FBXL17: variants seen among roughly 807,000 people sequenced by gnomAD.
FBXL17 encodes the protein F-box/LRR-repeat protein 17.
In FBXL17, 22 loss-of-function variants were observed where a neutral mutation model predicts 66.2. The observed-to-expected ratio is 0.33, with a 90% CI of 0.24 to 0.47. The LOEUF (loss-of-function observed/expected upper bound fraction) is 0.47, where lower values mean the gene tolerates loss of function less well. FBXL17 is among the 20% of genes least tolerant of loss of function. The pLI is 1.00. For missense variants in FBXL17, 878 were observed against 948.2 expected (o/e 0.93, Z 0.97); for synonymous variants, 474 against 400.5 (o/e 1.18, Z -2.19).
intron 7 of FBXL17, among the ~76,000 whole-genome samples, chr5:108,014,200 G>A (rs1754293726): frequency 6.6e-6 from 1 of 152,010 alleles, no homozygotes; most frequent in African/African-American, 2.4e-5. Flanking sequence ...AAAATAGCTA[G>A]TTAAAAATTG....
intron 4 of FBXL17, among the ~76,000 whole-genome samples, chr5:108,230,080 C>T (rs949474607): frequency 1.3e-5 from 2 of 152,154 alleles, no homozygotes; most frequent in East Asian, 1.9e-4. Flanking sequence ...TAGATGTTGG[C>T]GTAGATGTGG....
chr5:108,101,819 T>C (rs1749611866), intron 6 of FBXL17, among the ~76,000 whole-genome samples: 1 of 152,216 alleles, frequency 6.6e-6, no homozygotes, highest in African/African-American at 2.4e-5. Flanking sequence ...GTTTCAAAGC[T>C]ACTAAAAATA....
chr5:108,254,229 C>A (rs967511990), intron 4 of FBXL17, among the ~76,000 whole-genome samples: 7 of 152,116 alleles, frequency 4.6e-5, no homozygotes, highest in Non-Finnish European at 5.9e-5. Context: ...GTAAACTGTG[C>A]TTCTAGAAAA....
At chr5:107,953,928 T>A (rs1447478445) in intron 7 of FBXL17, among the ~76,000 whole-genome samples, 2 of 152,238 alleles carry the variant, frequency 1.3e-5, no homozygotes, top group Non-Finnish European at 2.9e-5. Flanking sequence ...ATTATTTTGA[T>A]ACTTAATCAT....
chr5:108,075,131 T>C (rs1748492862), intron 6 of FBXL17, among the ~76,000 whole-genome samples: 1 of 152,152 alleles, frequency 6.6e-6, no homozygotes, highest in Admixed American at 6.6e-5. Flanking sequence ...TATTAGGCCC[T>C]AAAAACTGCA....
At chr5:107,961,073 A>C (rs1456482602) in intron 7 of FBXL17, among the ~76,000 whole-genome samples, 1 of 152,154 alleles carries the variant, frequency 6.6e-6, no homozygotes, top group African/African-American at 2.4e-5. Flanking sequence ...GGCTGGCTGG[A>C]AAGAAGTGGG....
chr5:107,939,362 GAA>G (rs142871184), intron 7 of FBXL17, among the ~76,000 whole-genome samples: 1,932 of 152,176 alleles, frequency 0.013, 38 homozygotes, highest in African/African-American at 0.044. Flanking sequence ...CGCAACATGA[GAA>G]AGAGTAAATA....
At chr5:107,968,763 A>G (rs1752249797) in intron 7 of FBXL17, among the ~76,000 whole-genome samples, 1 of 152,176 alleles carries the variant, frequency 6.6e-6, no homozygotes, top group East Asian at 1.9e-4. Flanking sequence ...TCTTTATAGG[A>G]AAGCCTTATG....
intron 6 of FBXL17, among the ~76,000 whole-genome samples, chr5:108,156,517 TGA>T (rs1371325483): frequency 6.6e-6 from 1 of 151,976 alleles, no homozygotes; most frequent in Non-Finnish European, 1.5e-5. Context: ...TTTACAACGT[TGA>T]GAGTTAAAAT....
chr5:107,897,789 A>T (rs902045057), intron 7 of FBXL17, among the ~76,000 whole-genome samples: 5 of 142,194 alleles, frequency 3.5e-5, no homozygotes, highest in Non-Finnish European at 6.1e-5. Flanking sequence ...TCTTATTATT[A>T]AAAAAAAAAA....
intron 6 of FBXL17, among the ~76,000 whole-genome samples, chr5:108,177,383 T>C (rs758602379): frequency 6.6e-6 from 1 of 152,198 alleles, no homozygotes; most frequent in Non-Finnish European, 1.5e-5. Context: ...CAGTAAAATA[T>C]TCAAACATGT....
chr5:108,006,300 GA>G (rs1461288579), intron 7 of FBXL17, among the ~76,000 whole-genome samples: 4 of 152,170 alleles, frequency 2.6e-5, no homozygotes, highest in Non-Finnish European at 5.9e-5. Context: ...ATAGGAAGAA[GA>G]CAAATAGCGG....
At chr5:107,920,355 C>A (rs558818879) in intron 7 of FBXL17, among the ~76,000 whole-genome samples, 12 of 152,150 alleles carry the variant, frequency 7.9e-5, no homozygotes, top group Admixed American at 2.0e-4. Context: ...AAGGCGTCTG[C>A]CACCATGCCT....
intron 8 of FBXL17, among the ~76,000 whole-genome samples, chr5:107,864,718 T>G (rs1025648071): frequency 3.1e-4 from 47 of 152,282 alleles, no homozygotes; most frequent in African/African-American, 1.1e-3. Context: ...CTTGCTCCCC[T>G]TCGCCTTCCA....
At chr5:108,060,819 T>TC (rs1265144382) in intron 6 of FBXL17, among the ~76,000 whole-genome samples, 1 of 152,020 alleles carries the variant, frequency 6.6e-6, no homozygotes, top group African/African-American at 2.4e-5. Flanking sequence ...ATTACATCAA[T>TC]CCGCACACCA....
chr5:108,196,496 C>G (rs775409277), intron 5 of FBXL17, among the ~76,000 whole-genome samples: 10 of 152,154 alleles, frequency 6.6e-5, no homozygotes, highest in Non-Finnish European at 1.0e-4. Flanking sequence ...GTTCCTTCCA[C>G]TAGAGTCAAA....
At chr5:108,248,374 A>C (rs900745000) in intron 4 of FBXL17, among the ~76,000 whole-genome samples, 1 of 152,150 alleles carries the variant, frequency 6.6e-6, no homozygotes, top group Non-Finnish European at 1.5e-5. Flanking sequence ...GAGTCAGTGA[A>C]CCTGAAGATA....
intron 7 of FBXL17, among the ~76,000 whole-genome samples, chr5:107,901,755 G>A (rs996360392): frequency 3.3e-5 from 5 of 152,126 alleles, no homozygotes; most frequent in East Asian, 1.9e-4. Flanking sequence ...TTCAGCCAGA[G>A]TATTTTCAAA....
intron 5 of FBXL17, among the ~76,000 whole-genome samples, chr5:108,186,682 A>C (rs1394679449): frequency 6.6e-6 from 1 of 151,806 alleles, no homozygotes; most frequent in East Asian, 1.9e-4. Flanking sequence ...AGGCAGGGGA[A>C]TTCTTGAACC....
Sources: allele counts gnomAD v4.1 joint callset (sites outside exome capture counted in the v4.1 genomes callset), GRCh38; gene constraint gnomAD v4.1.1; transcripts MANE v1.5; gene names NCBI Gene and HGNC (gene_info 2026-07-23, HGNC 2026-07-21).